The following CCDC158 variants were observed in gnomAD, a reference collection of about 807,000 sequenced individuals.
CCDC158 encodes coiled-coil domain containing 158.
A neutral mutation model predicts 138.6 loss-of-function variants in CCDC158; 116 were observed. The observed-to-expected ratio is 0.84, with a 90% CI of 0.72 to 0.98. The LOEUF is 0.98. Among genes scored for constraint, CCDC158 ranks in the 50% least tolerant of loss-of-function variants. The pLI, the probability that CCDC158 is intolerant of heterozygous loss-of-function variation, is 0.00. For missense variants in CCDC158, 1,265 were observed against 1,306.1 expected, an observed-to-expected ratio of 0.97 and a Z score of 0.48; for synonymous variants, 436 against 442.4, an observed-to-expected ratio of 0.99 and a Z score of 0.18.
At chr4:76,373,030 G>C (rs1014389763) in intron 9 of CCDC158, among the ~76,000 whole-genome samples, 2 of 152,110 alleles carry the variant, frequency 1.3e-5, no homozygotes, top group Admixed American at 1.3e-4. Context: ...TGTATTTTTA[G>C]TAGAGATGGG....
chr4:76,402,329 G>C (rs1560477562), intron 3 of CCDC158, among the ~76,000 whole-genome samples: 2 of 152,194 alleles, frequency 1.3e-5, no homozygotes, highest in African/African-American at 4.8e-5. Flanking sequence ...TCGCAGAAGA[G>C]CTGGAGGCAG....
intron 1 of CCDC158, among the ~76,000 whole-genome samples, chr4:76,412,827 TTGGCCCAATTTTAATTTTAG>T (rs778179545): frequency 2.0e-5 from 3 of 152,190 alleles, no homozygotes; most frequent in Non-Finnish European, 1.5e-5. Flanking sequence ...TTATATGCTA[TTGGCCCAATTTTAATTTTAG>T]TGGCACAGAT....
intron 4 of CCDC158, among the ~76,000 whole-genome samples, chr4:76,390,694 T>C (rs1323072004): frequency 6.6e-6 from 1 of 151,944 alleles, no homozygotes; most frequent in African/African-American, 2.4e-5. Context: ...AGTGGTTGAA[T>C]GGATTAAAAA....
At chr4:76,381,972 T>C (rs115414840) in intron 8 of CCDC158, among the ~76,000 whole-genome samples, 4,487 of 152,310 alleles carry the variant, frequency 0.029, 222 homozygotes, top group African/African-American at 0.1. Flanking sequence ...TAAGCCACCA[T>C]GCCCAGCCAA....
At chr4:76,322,462 C>T (rs977744446) in intron 24 of CCDC158, among the ~76,000 whole-genome samples, 1 of 152,090 alleles carries the variant, frequency 6.6e-6, no homozygotes, top group African/African-American at 2.4e-5. Context: ...GAAGAAAACG[C>T]AAGTGAAGCT....
chr4:76,316,070 A>G lies in CCDC158; in HGVS notation c.3278-2824T>C, dbSNP rs181536028. ...AAAACAAGGTTTGATAACATCCCCA[A>G]AAGGCCACACTAGCTTGCCAGCAAT... On this transcript the variant is annotated intron_variant, in intron 24 of 24. Transcript: ENST00000682701. 4.0e-4 allele frequency among the ~76,000 whole-genome samples: 61 copies of G among 152,354 alleles called. No individual in the cohort carries two copies. In the East Asian group the frequency reaches 9.3e-3, roughly 23 times the overall value.
Position 76,353,176 on chromosome 4 carries a change from G to A in CCDC158, c.2392C>T (p.Gln798Ter). ...MAGELEVLRSQERRLKEKVTN... is the reference protein window; with the variant it reads ...MAGELEVLRS ...ACCTTTTCTTTCAAACGGCGTTCCT[G>A]AGATCGCAGAACTTCCAACTCCCCA... The change falls in exon 16 of 25, where the codon CAG becomes TAG. Residue 798 changes from glutamine (Q) to a stop codon, truncating the protein, a stop_gained. Transcript: ENST00000682701. LOFTEE classifies it high-confidence loss of function. 2.5e-6 allele frequency: 4 copies of A among 1,613,874 alleles called. No homozygotes were observed. The highest frequency in any genetic ancestry group is 3.4e-6 in the Non-Finnish European group (4 of 1,179,882).
intron 18 of CCDC158, among the ~76,000 whole-genome samples, chr4:76,334,689 G>A (rs1721310446): frequency 6.6e-6 from 1 of 152,106 alleles, no homozygotes; most frequent in Non-Finnish European, 1.5e-5. Context: ...CAGATTGATA[G>A]TGTACCCCAA....
intron 2 of CCDC158, among the ~76,000 whole-genome samples, chr4:76,405,001 A>T (rs970811301): frequency 3.4e-5 from 5 of 146,778 alleles, no homozygotes; most frequent in Non-Finnish European, 7.6e-5. Context: ...ACTATAATCC[A>T]AGAAAATTTT....
At chr4:76,367,946 C>A (rs1028097389) in intron 11 of CCDC158, among the ~76,000 whole-genome samples, 170 bp from the exon 12 acceptor site, 2 of 147,406 alleles carry the variant, frequency 1.4e-5, no homozygotes, top group Non-Finnish European at 3.0e-5. Flanking sequence ...CTAGGTTGGT[C>A]TTCTCAAATT....
intron 10 of CCDC158, 102 bp downstream of exon 10, chr4:76,371,315 T>C (rs1725213945): frequency 8.7e-7 from 1 of 1,143,180 alleles, no homozygotes; most frequent in South Asian, 1.5e-5. Context: ...GCACAAATAT[T>C]TTGTAAATTT....
At chr4:76,351,233 T>A (rs980927188) in intron 17 of CCDC158, 112 bp from the exon 18 acceptor site, 2 of 985,736 alleles carry the variant, frequency 2.0e-6, no homozygotes, top group Non-Finnish European at 3.0e-6. Context: ...ATTGAGATTT[T>A]AAAATATGTC....
At chr4:76,382,570 TA>T (rs754526386) in intron 8 of CCDC158, 39 bp downstream of exon 8, 2 of 1,214,946 alleles carry the variant, frequency 1.6e-6, no homozygotes, top group Admixed American at 1.8e-5. Flanking sequence ...ATAATATCTT[TA>T]AAATGAAGAT....
intron 2 of CCDC158, among the ~76,000 whole-genome samples, chr4:76,409,865 T>C (rs1729154976): frequency 6.6e-6 from 1 of 151,404 alleles, no homozygotes; most frequent in African/African-American, 2.4e-5. Context: ...TAAAAAGTAA[T>C]ATCTGTGTAT....
In CCDC158 at chr4:76,384,657, T is replaced by C. The variant is rs1560457632; in HGVS notation, c.297A>G (p.Glu99=). ...DLQRRLNESN[E]LHEKQKFYLR... ...AATAAAACTTTTGTTTCTCATGCAATTCATTGCTCTGAAAAAAAAAGCCAT... is the reference window on the plus strand; with the variant it reads ...AATAAAACTTTTGTTTCTCATGCAACTCATTGCTCTGAAAAAAAAAGCCAT... Residue 99 remains glutamate, a synonymous_variant, in exon 5 of 25, where the codon GAA becomes GAG. Coordinates refer to ENST00000682701, the MANE Select transcript of CCDC158 (RefSeq NM_001394954.1). 5 of 1,608,962 alleles carry C rather than the reference T, an allele frequency of 3.1e-6. No homozygotes were observed. The highest frequency in any genetic ancestry group is 1.3e-5 in the African/African-American group (1 of 74,804).
At chr4:76,321,221 A>C (rs1286032094) in intron 24 of CCDC158, among the ~76,000 whole-genome samples, 1 of 152,022 alleles carries the variant, frequency 6.6e-6, no homozygotes, top group Non-Finnish European at 1.5e-5. Flanking sequence ...GATACTACCT[A>C]CTCCTGCAAG....
intron 20 of CCDC158, among the ~76,000 whole-genome samples, chr4:76,332,174 T>C (rs1259807283): frequency 6.6e-6 from 1 of 152,140 alleles, no homozygotes; most frequent in Non-Finnish European, 1.5e-5. Context: ...ATTTTTGATA[T>C]GGCATACCAT....
chr4:76,410,930 C>T (rs78585375), intron 2 of CCDC158, among the ~76,000 whole-genome samples: 23 of 152,174 alleles, frequency 1.5e-4, no homozygotes, highest in African/African-American at 3.4e-4. Flanking sequence ...TATGACTATA[C>T]GAGGGAGATA....
At chr4:76,320,148 A>G (rs1719864913) in intron 24 of CCDC158, among the ~76,000 whole-genome samples, 1 of 152,188 alleles carries the variant, frequency 6.6e-6, no homozygotes, top group Admixed American at 6.5e-5. Flanking sequence ...CACACCAACA[A>G]TGACCAAGCT....
Sources: gnomAD v4.1 joint callset for allele counts (sites outside exome capture counted in the v4.1 genomes callset) on GRCh38, gnomAD v4.1.1 for gene constraint, MANE v1.5 for transcripts, NCBI Gene and HGNC (gene_info 2026-07-23, HGNC 2026-07-21) for gene names.